Variants in GRID1 observed in about 807,000 individuals in gnomAD.
The protein encoded by GRID1 is glutamate receptor ionotropic, delta-1.
GRID1 carries 28 observed loss-of-function variants against 98.0 expected under a neutral mutation model. The ratio of observed to expected loss-of-function variants is 0.29; its 90% CI spans 0.21 to 0.39. The LOEUF (loss-of-function observed/expected upper bound fraction) is 0.39. Among genes scored for constraint, GRID1 ranks in the 10% least tolerant of loss-of-function variants. GRID1 has a pLI of 1.00. For synonymous variants in GRID1, 553 were observed against 538.5 expected (o/e 1.03, Z -0.37); for missense variants, 1,111 against 1,340.5 (o/e 0.83, Z 2.67).
rs1786984100 is a variant in GRID1 at position 86,186,444 on chromosome 10, T to C, written c.520+19920A>G. On this transcript the variant is annotated intron_variant, in intron 3 of 15. Transcript: ENST00000327946. ...CACTCTAATCTTCATTTATTCTTTC[T>C]TTTACTTATATTGGATTTGATTTGC... Among the ~76,000 whole-genome samples the C allele has an allele frequency of 2.0e-5, 3 of 152,216 alleles. No individual in the cohort carries two copies. In the South Asian group the frequency reaches 6.2e-4, roughly 31 times the overall value.
At chr10:86,024,513 A>G (rs1254970351) in intron 4 of GRID1, among the ~76,000 whole-genome samples, 1 of 152,208 alleles carries the variant, frequency 6.6e-6, no homozygotes, top group Non-Finnish European at 1.5e-5. Flanking sequence ...GAGACGCTCT[A>G]AATGGTACAC....
chr10:86,101,633 CTTT>C (rs10596537), intron 4 of GRID1, among the ~76,000 whole-genome samples: 6 of 136,620 alleles, frequency 4.4e-5, no homozygotes, highest in African/African-American at 1.1e-4. Flanking sequence ...TTCATTATTC[CTTT>C]TTTTTTTTTT....
intron 8 of GRID1, among the ~76,000 whole-genome samples, chr10:85,793,901 T>G (rs924163779): frequency 2.0e-5 from 3 of 152,176 alleles, no homozygotes; most frequent in African/African-American, 7.2e-5. Context: ...AAGCCCTGCA[T>G]TAAATGAATT....
At chr10:85,697,915 T>C (rs1426773943) in intron 12 of GRID1, among the ~76,000 whole-genome samples, 2 of 152,174 alleles carry the variant, frequency 1.3e-5, no homozygotes, top group Admixed American at 1.3e-4. Context: ...CCAGCGATGC[T>C]GGTCTATATG....
intron 12 of GRID1, among the ~76,000 whole-genome samples, chr10:85,667,232 A>G (rs1174290644): frequency 6.6e-6 from 1 of 152,074 alleles, no homozygotes; most frequent in Non-Finnish European, 1.5e-5. Flanking sequence ...CTTCCTGGGA[A>G]AAATTTCCCC....
chr10:86,278,346 AC>A (rs1338282601), intron 2 of GRID1, among the ~76,000 whole-genome samples: 9 of 152,182 alleles, frequency 5.9e-5, no homozygotes, highest in African/African-American at 1.4e-4. Context: ...CAATCCAGTG[AC>A]CTGGGTTTCT....
At chr10:86,155,530 A>C (rs1241192078) in intron 3 of GRID1, among the ~76,000 whole-genome samples, 1 of 152,244 alleles carries the variant, frequency 6.6e-6, no homozygotes. Context: ...AATAGCAATA[A>C]AACTTCCTGA....
intron 8 of GRID1, among the ~76,000 whole-genome samples, chr10:85,840,774 C>A (rs1277060501): frequency 6.6e-6 from 1 of 152,080 alleles, no homozygotes; most frequent in Non-Finnish European, 1.5e-5. Flanking sequence ...AGGAATACAG[C>A]TAACCAAGGA....
At chr10:86,121,758 A>G (rs1381068152) in intron 4 of GRID1, among the ~76,000 whole-genome samples, 1 of 152,210 alleles carries the variant, frequency 6.6e-6, no homozygotes, top group African/African-American at 2.4e-5. Flanking sequence ...ACATCTTATG[A>G]TGTAGTCCTG....
chr10:85,914,555 G>C (rs890555633), intron 5 of GRID1, among the ~76,000 whole-genome samples: 6 of 152,262 alleles, frequency 3.9e-5, no homozygotes, highest in African/African-American at 1.4e-4. Context: ...ACGGTAAATG[G>C]ACGGTTACTG....
Position 86,124,761 on chromosome 10 carries a change from C to G in GRID1, c.726+14058G>C, listed in dbSNP as rs762705442. On this transcript the variant is annotated intron_variant, in intron 4 of 15. Coordinates refer to ENST00000327946, the MANE Select transcript of GRID1 (RefSeq NM_017551.3). Reference sequence around the variant, plus strand: ...TCCATATTCACTGCCCAATTAATATCGAATCCATTTCAAGACAGACAAATG... The same window carrying G: ...TCCATATTCACTGCCCAATTAATATGGAATCCATTTCAAGACAGACAAATG... Among the ~76,000 whole-genome samples, 4 of 152,242 alleles carry G rather than the reference C, an allele frequency of 2.6e-5. No individual in the cohort carries two copies. In the East Asian group the frequency reaches 7.7e-4, roughly 29 times the overall value.
intron 12 of GRID1, among the ~76,000 whole-genome samples, chr10:85,703,036 G>T (rs1470565673): frequency 6.6e-6 from 1 of 151,798 alleles, no homozygotes; most frequent in Non-Finnish European, 1.5e-5. Flanking sequence ...TTGTGAGGGG[G>T]TAAGAGAGAA....
At chr10:85,768,631 A>T (rs1842221410) in intron 8 of GRID1, among the ~76,000 whole-genome samples, 1 of 152,258 alleles carries the variant, frequency 6.6e-6, no homozygotes, top group African/African-American at 2.4e-5. Flanking sequence ...AAAACATTTG[A>T]AAAGATACAC....
intron 12 of GRID1, among the ~76,000 whole-genome samples, chr10:85,707,716 A>T (rs2132631749): frequency 6.6e-6 from 1 of 152,332 alleles, no homozygotes; most frequent in Non-Finnish European, 1.5e-5. Flanking sequence ...ACCAACCCAA[A>T]TGTCCAACAA....
At chr10:85,712,865 G>T (rs1430247024) in intron 12 of GRID1, among the ~76,000 whole-genome samples, 1 of 151,676 alleles carries the variant, frequency 6.6e-6, no homozygotes, top group Non-Finnish European at 1.5e-5. Flanking sequence ...AAAAATTCTT[G>T]AGGCAAATAA....
chr10:86,014,891 A>G (rs1216435089), intron 4 of GRID1, among the ~76,000 whole-genome samples: 6 of 152,098 alleles, frequency 3.9e-5, no homozygotes, highest in Non-Finnish European at 7.4e-5. Flanking sequence ...ACATCTACTC[A>G]AGCCCTCACT....
rs1456200104 is a variant in GRID1, at chr10:85,939,177, C to T, written c.727-22938G>A. 2.6e-5 allele frequency among the ~76,000 whole-genome samples: 4 copies of T among 152,292 alleles called. No individual in the cohort carries two copies. In the South Asian group the frequency reaches 6.2e-4, roughly 24 times the overall value. ...TCCGGGGGACCCCTGATTCCTCCAACCTGAGTTCAACAAGGAGGTCAAGGT... is the reference window on the plus strand; with the variant it reads ...TCCGGGGGACCCCTGATTCCTCCAATCTGAGTTCAACAAGGAGGTCAAGGT... On this transcript the variant is annotated intron_variant, in intron 4 of 15. Transcript: ENST00000327946.
At chr10:85,787,269 T>C (rs1049605199) in intron 8 of GRID1, among the ~76,000 whole-genome samples, 1 of 152,178 alleles carries the variant, frequency 6.6e-6, no homozygotes, top group Non-Finnish European at 1.5e-5. Context: ...AGGTATCCAG[T>C]TGGGCCTACT....
At chr10:85,789,419 G>A (rs1842458493) in intron 8 of GRID1, among the ~76,000 whole-genome samples, 1 of 152,116 alleles carries the variant, frequency 6.6e-6, no homozygotes, top group South Asian at 2.1e-4. Flanking sequence ...GAGAATCATG[G>A]ATAATATAGA....
Sources: gnomAD v4.1 joint callset for allele counts (sites outside exome capture counted in the v4.1 genomes callset) on GRCh38, gnomAD v4.1.1 for gene constraint, MANE v1.5 for transcripts, NCBI Gene and HGNC (gene_info 2026-07-23, HGNC 2026-07-21) for gene names.